Variants in EEPD1 observed in about 807,000 individuals in gnomAD.
EEPD1 encodes endonuclease/exonuclease/phosphatase family domain containing 1.
EEPD1 carries 17 observed loss-of-function variants against 46.3 expected under a neutral mutation model. The ratio of observed to expected loss-of-function variants is 0.37; its 90% CI spans 0.25 to 0.55. The LOEUF (loss-of-function observed/expected upper bound fraction) is 0.55, where lower values mean the gene tolerates loss of function less well. EEPD1 is among the 20% of genes least tolerant of loss of function. The pLI is 0.83. For synonymous variants in EEPD1, 313 were observed against 315.6 expected (o/e 0.99, Z 0.09); for missense variants, 673 against 745.6 (o/e 0.90, Z 1.13).
At chr7:36,197,306 C>T (rs1454816815) in intron 2 of EEPD1, among the ~76,000 whole-genome samples, 19 of 150,604 alleles carry the variant, frequency 1.3e-4, no homozygotes, top group Middle Eastern at 3.5e-3. Context: ...GTCAGCCCCC[C>T]GCCCGGCCAG....
chr7:36,270,138 A>G (rs1191138624), intron 3 of EEPD1, among the ~76,000 whole-genome samples: 1 of 152,176 alleles, frequency 6.6e-6, no homozygotes, highest in Non-Finnish European at 1.5e-5. Context: ...GTATACAGAC[A>G]TATAAGATAT....
At chr7:36,239,721 T>C (rs955781057) in intron 3 of EEPD1, among the ~76,000 whole-genome samples, 1 of 152,006 alleles carries the variant, frequency 6.6e-6, no homozygotes, top group Non-Finnish European at 1.5e-5. Flanking sequence ...AAGTTCGGCA[T>C]GCATGGTGGG....
At chr7:36,180,020 TCCTC>T (rs530177905) in intron 2 of EEPD1, among the ~76,000 whole-genome samples, 167 of 152,182 alleles carry the variant, frequency 1.1e-3, no homozygotes, top group African/African-American at 3.9e-3. Flanking sequence ...CAAGCGTGGC[TCCTC>T]CCCAGCAAAC....
chr7:36,217,340 A>G (rs906294036), intron 2 of EEPD1, among the ~76,000 whole-genome samples: 2 of 152,250 alleles, frequency 1.3e-5, no homozygotes, highest in Non-Finnish European at 2.9e-5. Flanking sequence ...ACAAACTGTC[A>G]TGGCACTGGC....
At chr7:36,172,733 C>T (rs1785108415) in intron 2 of EEPD1, among the ~76,000 whole-genome samples, 1 of 149,130 alleles carries the variant, frequency 6.7e-6, no homozygotes, top group African/African-American at 2.5e-5. Context: ...AAAGATTGTA[C>T]ACCTCTGCTT....
intron 2 of EEPD1, among the ~76,000 whole-genome samples, chr7:36,224,473 G>T (rs1160152455): frequency 6.6e-6 from 1 of 152,202 alleles, no homozygotes; most frequent in African/African-American, 2.4e-5. Flanking sequence ...GCAGAACAAG[G>T]TAAAAGCAAG....
intron 2 of EEPD1, among the ~76,000 whole-genome samples, chr7:36,196,563 C>T (rs962791753): frequency 2.6e-5 from 4 of 152,252 alleles, no homozygotes; most frequent in African/African-American, 4.8e-5. Flanking sequence ...AGGCGCGCGC[C>T]GCCACGCCTG....
At chr7:36,258,673 C>A (rs999468780) in intron 3 of EEPD1, among the ~76,000 whole-genome samples, 7 of 152,098 alleles carry the variant, frequency 4.6e-5, no homozygotes, top group Admixed American at 3.9e-4. Context: ...CGCCCCTCCC[C>A]CCACCAGCTC....
At chr7:36,209,759 A>C (rs1785891522) in intron 2 of EEPD1, among the ~76,000 whole-genome samples, 1 of 152,200 alleles carries the variant, frequency 6.6e-6, no homozygotes, top group African/African-American at 2.4e-5. Flanking sequence ...AAGAGTACCA[A>C]GCCATTCATG....
At chr7:36,296,953 C>T in intron 6 of EEPD1, 40 bp from the exon 7 acceptor site, 1 of 1,605,914 alleles carries the variant, frequency 6.2e-7, no homozygotes, top group Non-Finnish European at 8.5e-7. Flanking sequence ...GTTTTACTTC[C>T]CAACAACTCT....
rs140250564 is a variant in EEPD1, at chr7:36,239,013, C to A, written c.907C>A (p.Leu303Ile). The A allele has an allele frequency of 3.1e-6, 5 of 1,611,292 alleles. No individual in the cohort carries two copies. Among genetic ancestry groups the A allele is most frequent in the Non-Finnish European group, 4.2e-6 (5 of 1,179,462 alleles). Residue 303 changes from leucine to isoleucine, a missense_variant, in exon 3 of 8, where the codon CTT becomes ATT. Physicochemically the swap from Leu to Ile is conservative, Grantham distance 5 (BLOSUM62 2). Coordinates refer to ENST00000242108, the MANE Select transcript of EEPD1 (RefSeq NM_030636.3). ...CAAGCTTCTAGCTGTGCAAGAACTG[C>A]TTGACAGAGAGGCCTTGGAAAAGGT... ...SIKLLAVQEL[L>I]DREALEKFCT...
At chr7:36,204,384 CATA>C (rs1236764408) in intron 2 of EEPD1, among the ~76,000 whole-genome samples, 36 of 152,096 alleles carry the variant, frequency 2.4e-4, no homozygotes, top group African/African-American at 7.0e-4. Context: ...TGGATGAAGG[CATA>C]ATAATTTATC....
intron 3 of EEPD1, among the ~76,000 whole-genome samples, chr7:36,273,184 T>C (rs967695183): frequency 6.6e-6 from 1 of 151,608 alleles, no homozygotes; most frequent in African/African-American, 2.4e-5. Context: ...TGGTTTCTGT[T>C]TACTGAGTGT....
At chr7:36,170,566 CTT>C (rs58354576) in intron 2 of EEPD1, among the ~76,000 whole-genome samples, 31,660 of 141,912 alleles carry the variant, frequency 0.22, 3,700 homozygotes, top group Middle Eastern at 0.29. Flanking sequence ...TTAAAAGTGT[CTT>C]TTTTTTTTTT....
At chr7:36,287,408 G>A (rs182668756) in intron 5 of EEPD1, among the ~76,000 whole-genome samples, 68 of 152,202 alleles carry the variant, frequency 4.5e-4, no homozygotes, top group Admixed American at 6.5e-4. Flanking sequence ...AGGAGTAGGC[G>A]GTGGGATGTT....
At chr7:36,168,340 A>G (rs1381196622) in intron 2 of EEPD1, among the ~76,000 whole-genome samples, 2 of 152,254 alleles carry the variant, frequency 1.3e-5, no homozygotes, top group Non-Finnish European at 2.9e-5. Flanking sequence ...AACTTAAAGA[A>G]TATAAGCTGA....
At chr7:36,207,622 C>T (rs1053765668) in intron 2 of EEPD1, among the ~76,000 whole-genome samples, 2 of 152,172 alleles carry the variant, frequency 1.3e-5, no homozygotes, top group Non-Finnish European at 2.9e-5. Context: ...AGGGTTCCAG[C>T]CCTAGAACCT....
chr7:36,171,724 G>A (rs1785087175), intron 2 of EEPD1, among the ~76,000 whole-genome samples: 1 of 152,182 alleles, frequency 6.6e-6, no homozygotes, highest in African/African-American at 2.4e-5. Flanking sequence ...GTATAGTTGG[G>A]AAGTGTACCT....
chr7:36,226,466 A>C (rs959649281), intron 2 of EEPD1, among the ~76,000 whole-genome samples: 1 of 152,192 alleles, frequency 6.6e-6, no homozygotes, highest in Non-Finnish European at 1.5e-5. Flanking sequence ...TGCAGCTTGA[A>C]CTGACTCTTG....
Sources: allele counts gnomAD v4.1 joint callset (sites outside exome capture counted in the v4.1 genomes callset), GRCh38; gene constraint gnomAD v4.1.1; transcripts MANE v1.5; gene names NCBI Gene and HGNC (gene_info 2026-07-23, HGNC 2026-07-21).